The following PLXDC2 variants were observed in gnomAD, a reference collection of about 807,000 sequenced individuals.
The protein encoded by PLXDC2 is plexin domain containing 2.
A neutral mutation model predicts 68.9 loss-of-function variants in PLXDC2; 40 were observed. The ratio of observed to expected loss-of-function variants is 0.58; its 90% CI spans 0.45 to 0.76. The LOEUF (loss-of-function observed/expected upper bound fraction) is 0.76. Among genes scored for constraint, PLXDC2 ranks in the 30% least tolerant of loss-of-function variants. The probability of loss-of-function intolerance (pLI) is 0.00; values close to 1 mark genes in which losing one functional copy is unlikely to be tolerated. For missense variants in PLXDC2, 644 were observed against 661.9 expected (o/e 0.97, Z 0.30); for synonymous variants, 243 against 234.2 (o/e 1.04, Z -0.34).
At position 19,874,826 on chromosome 10, in the gene PLXDC2, C is replaced by T. The variant is rs115497785; in HGVS notation, c.112+57635C>T. On this transcript the variant is annotated intron_variant, in intron 1 of 13. Transcript: ENST00000377252. ...AAGCTGAGTGCTTGTCTAGGGGACC[C>T]GGGGGATATCTGGCCCGACTGTCAG... Among the ~76,000 whole-genome samples the T allele has an allele frequency of 5.3e-3, 812 of 152,104 alleles. 6 individuals carry two copies. The highest frequency in any genetic ancestry group is 0.018 in the African/African-American group (759 of 41,500).
intron 1 of PLXDC2, among the ~76,000 whole-genome samples, chr10:19,863,666 A>G (rs973401633): frequency 2.0e-5 from 3 of 152,250 alleles, no homozygotes; most frequent in African/African-American, 4.8e-5. Context: ...GCTTAATTTC[A>G]TATCATTTTA....
At chr10:20,070,246 T>C (rs1217740154) in intron 4 of PLXDC2, among the ~76,000 whole-genome samples, 1 of 152,222 alleles carries the variant, frequency 6.6e-6, no homozygotes, top group African/African-American at 2.4e-5. Flanking sequence ...TATAGATGTG[T>C]GTATAATACA....
chr10:20,149,490 C>T (rs181945900), intron 6 of PLXDC2, among the ~76,000 whole-genome samples: 9 of 152,054 alleles, frequency 5.9e-5, no homozygotes, highest in South Asian at 2.1e-4. Context: ...CCTCCTGCCT[C>T]GGCCTCCCAA....
intron 7 of PLXDC2, among the ~76,000 whole-genome samples, chr10:20,167,156 T>A (rs1005238970): frequency 6.6e-6 from 1 of 152,172 alleles, no homozygotes; most frequent in African/African-American, 2.4e-5. Context: ...TGCGACTATA[T>A]TTATGCAAGA....
chr10:20,090,113 T>C (rs1833257322), intron 4 of PLXDC2, among the ~76,000 whole-genome samples: 1 of 152,204 alleles, frequency 6.6e-6, no homozygotes, highest in Admixed American at 6.5e-5. Flanking sequence ...TCCTAAGTGC[T>C]GGGTGCACAG....
At chr10:20,130,317 G>GTA (rs1426309139) in intron 4 of PLXDC2, among the ~76,000 whole-genome samples, 1 of 152,100 alleles carries the variant, frequency 6.6e-6, no homozygotes, top group East Asian at 1.9e-4. Flanking sequence ...TGTTGTTAGT[G>GTA]TATAGAAACA....
Position 20,283,610 on chromosome 10 carries a change from A to C in PLXDC2, c.*3791A>C, listed in dbSNP as rs1361616536. 6.6e-6 allele frequency: 1 copy of C among 152,168 alleles called. No homozygotes were observed. The highest frequency in any genetic ancestry group is 2.4e-5 in the African/African-American group (1 of 41,438). The allele number at this position is 152,168 out of a possible 1,614,324, so 9.4% of individuals were successfully genotyped here. ...TTAGTATTTGTCCCACATGACATCC[A>C]TCCCATGTATTTATCCACTCTTTCA... On this transcript the variant is annotated 3_prime_UTR_variant, in exon 14 of 14. Coordinates refer to ENST00000377252, the MANE Select transcript of PLXDC2 (RefSeq NM_032812.9).
intron 1 of PLXDC2, among the ~76,000 whole-genome samples, chr10:19,913,318 T>G (rs896507820): frequency 6.6e-6 from 1 of 152,146 alleles, no homozygotes; most frequent in African/African-American, 2.4e-5. Context: ...CTTTTCCTCC[T>G]GCTCTCCCTT....
chr10:20,034,638 G>A (rs556907297), intron 2 of PLXDC2, among the ~76,000 whole-genome samples: 1 of 152,272 alleles, frequency 6.6e-6, no homozygotes, highest in African/African-American at 2.4e-5. Flanking sequence ...TTCTATTAAT[G>A]TTAATAGCAT....
chr10:20,170,347 G>T (rs950266989), intron 7 of PLXDC2, among the ~76,000 whole-genome samples: 2 of 151,968 alleles, frequency 1.3e-5, no homozygotes, highest in African/African-American at 2.4e-5. Flanking sequence ...CATCCACCAC[G>T]CCCAGCTAAT....
intron 7 of PLXDC2, among the ~76,000 whole-genome samples, chr10:20,173,385 C>A (rs1200278991): frequency 6.6e-6 from 1 of 152,080 alleles, no homozygotes; most frequent in East Asian, 1.9e-4. Context: ...GTTATGCTTT[C>A]AAGACAGAAA....
intron 4 of PLXDC2, among the ~76,000 whole-genome samples, chr10:20,108,410 A>T (rs992591014): frequency 6.6e-6 from 1 of 152,220 alleles, no homozygotes; most frequent in Non-Finnish European, 1.5e-5. Flanking sequence ...ACAGCATTAA[A>T]GGGAAAAATC....
chr10:19,894,703 A>G (rs1402641515), intron 1 of PLXDC2, among the ~76,000 whole-genome samples: 2 of 152,214 alleles, frequency 1.3e-5, no homozygotes, highest in Non-Finnish European at 2.9e-5. Context: ...TGGTAATTAG[A>G]GAAATGCAAA....
intron 9 of PLXDC2, among the ~76,000 whole-genome samples, chr10:20,192,828 T>C (rs1182585471): frequency 6.6e-6 from 1 of 152,082 alleles, no homozygotes. Flanking sequence ...CAAGAATGCA[T>C]TTGTAATAGG....
At chr10:20,140,951 A>G (rs1833998868) in intron 4 of PLXDC2, among the ~76,000 whole-genome samples, 1 of 151,914 alleles carries the variant, frequency 6.6e-6, no homozygotes, top group African/African-American at 2.4e-5. Context: ...CATGCTAATA[A>G]TTGTGGTGGC....
At chr10:19,975,720 T>G (rs1289157549) in intron 1 of PLXDC2, among the ~76,000 whole-genome samples, 2 of 152,202 alleles carry the variant, frequency 1.3e-5, no homozygotes, top group Admixed American at 1.3e-4. Flanking sequence ...CTGTCTGATT[T>G]TGGTATAATA....
chr10:20,123,842 G>A lies in PLXDC2; in HGVS notation c.542-19453G>A, dbSNP rs552686622. Among the ~76,000 whole-genome samples, 3 of 151,818 alleles carry A rather than the reference G, an allele frequency of 2.0e-5. No homozygotes were observed. The South Asian group carries it at 6.3e-4, about 32-fold the overall frequency. The stretch of plus-strand genomic sequence containing the variant: ...GGATCAGGGTGCAGAGATATAAGAG[G>A]TTGGGGCATGGAAATAAGGGATTGG... On this transcript the variant is annotated intron_variant, in intron 4 of 13. Transcript: ENST00000377252.
chr10:20,101,781 GT>G lies in PLXDC2; in HGVS notation c.541+33549del, dbSNP rs531954205. Among the ~76,000 whole-genome samples the G allele has an allele frequency of 8.8e-4, 119 of 135,784 alleles. 1 individual carries two copies. The South Asian group carries it at 0.031, about 36-fold the overall frequency. 89.1% of individuals were successfully genotyped at this position (135,784 alleles called of 152,430 possible). On this transcript the variant is annotated intron_variant, in intron 4 of 13. Coordinates refer to ENST00000377252, the MANE Select transcript of PLXDC2 (RefSeq NM_032812.9). ...AGAGTCTATTAAGTGACAATATCTT[GT>G]TTTTTTACCAAACTTTTTTTTTTAA...
intron 13 of PLXDC2, among the ~76,000 whole-genome samples, chr10:20,273,852 C>T (rs1835970791): frequency 6.6e-6 from 1 of 152,024 alleles, no homozygotes; most frequent in Non-Finnish European, 1.5e-5. Context: ...CCTGTCTCTA[C>T]TAAATAAATA....
Sources: gnomAD v4.1 joint callset for allele counts (sites outside exome capture counted in the v4.1 genomes callset) on GRCh38, gnomAD v4.1.1 for gene constraint, MANE v1.5 for transcripts, NCBI Gene and HGNC (gene_info 2026-07-23, HGNC 2026-07-21) for gene names.